The following ALK variants were observed in gnomAD, a reference collection of about 807,000 sequenced individuals.
ALK encodes the protein ALK tyrosine kinase receptor.
Under a neutral mutation model 163.1 loss-of-function variants are expected in ALK, and 74 were observed. That is an observed-to-expected ratio of 0.45 (90% CI 0.38 to 0.55). The LOEUF is 0.55. Ranked by LOEUF, ALK falls within the 20% of genes least tolerant of loss-of-function variation. The pLI, the probability that ALK is intolerant of heterozygous loss-of-function variation, is 0.00. For synonymous variants in ALK, 960 were observed against 843.2 expected, an observed-to-expected ratio of 1.14 and a Z score of -2.40; for missense variants, 2,063 against 2,105.3, an observed-to-expected ratio of 0.98 and a Z score of 0.39.
intron 3 of ALK, among the ~76,000 whole-genome samples, chr2:29,622,828 G>C (rs1676074201): frequency 6.6e-6 from 1 of 152,068 alleles, no homozygotes; most frequent in African/African-American, 2.4e-5. Context: ...ACTCAAGTCT[G>C]CCCCTTCCAG....
At chr2:29,865,905 T>A (rs1042885173) in intron 1 of ALK, among the ~76,000 whole-genome samples, 4 of 152,190 alleles carry the variant, frequency 2.6e-5, no homozygotes, top group Non-Finnish European at 5.9e-5. Context: ...GGTCTCCAGA[T>A]GCCCAAGGTC....
chr2:29,238,982 A>C (rs1336096912), intron 13 of ALK, among the ~76,000 whole-genome samples: 2 of 152,248 alleles, frequency 1.3e-5, no homozygotes, highest in Non-Finnish European at 2.9e-5. Context: ...ATTAGCACTC[A>C]ATAAATTCCC....
intron 3 of ALK, among the ~76,000 whole-genome samples, chr2:29,592,929 G>A (rs1030007121): frequency 6.6e-6 from 1 of 152,136 alleles, no homozygotes; most frequent in African/African-American, 2.4e-5. Flanking sequence ...GAATGGCCCC[G>A]CTGCAACTTG....
chr2:29,465,511 T>C (rs766716671), intron 4 of ALK, among the ~76,000 whole-genome samples: 1 of 152,158 alleles, frequency 6.6e-6, no homozygotes, highest in East Asian at 1.9e-4. Flanking sequence ...CTGGCCAACA[T>C]GGTGAAACTC....
In ALK at chr2:29,239,764, C is replaced by T; in HGVS notation, c.2271G>A (p.Val757=). 6.2e-7 allele frequency: 1 copy of T among 1,614,064 alleles called. No individual in the cohort carries two copies. Among genetic ancestry groups the T allele is most frequent in the East Asian group, 2.2e-5 (1 of 44,874 alleles). The stretch of plus-strand genomic sequence containing the variant: ...CCAGGTTGAAGATGCCCAGCACAGA[C>T]ACGCCGTGGGACCGCATCATGGTGT... ...GKNTMMRSHG[V]SVLGIFNLEK... The change falls in exon 13 of 29, where the codon GTG becomes GTA. Residue 757 remains valine (V), a synonymous_variant. Coordinates refer to ENST00000389048, the MANE Select transcript of ALK (RefSeq NM_004304.5).
At chr2:29,550,037 G>T (rs767299639) in intron 3 of ALK, among the ~76,000 whole-genome samples, 1 of 151,988 alleles carries the variant, frequency 6.6e-6, no homozygotes, top group African/African-American at 2.4e-5. Context: ...GGCTCTTCCC[G>T]CTAAACTAGG....
rs540628977 is a variant in ALK at position 29,265,750 on chromosome 2, G to C, written c.2041+9349C>G. ...TGCCTGTAATCTCAGCACTTTGGGA[G>C]GCCTAGGCGAGTGGATCACCTGAGG... On this transcript the variant is annotated intron_variant, in intron 11 of 28. Coordinates refer to ENST00000389048, the MANE Select transcript of ALK (RefSeq NM_004304.5). Among the ~76,000 whole-genome samples, 15 of 152,312 alleles carry C rather than the reference G, an allele frequency of 9.8e-5. No homozygotes were observed. In the East Asian group the frequency reaches 2.9e-3, roughly 29 times the overall value.
At chr2:29,335,443 C>G (rs759205255) in intron 5 of ALK, among the ~76,000 whole-genome samples, 3 of 152,164 alleles carry the variant, frequency 2.0e-5, no homozygotes, top group Non-Finnish European at 4.4e-5. Flanking sequence ...AATCAGAAGA[C>G]TGAGGATGTG....
intron 12 of ALK, among the ~76,000 whole-genome samples, chr2:29,241,740 T>C (rs569610485): frequency 3.3e-5 from 5 of 152,250 alleles, no homozygotes; most frequent in African/African-American, 1.2e-4. Flanking sequence ...CATCCTCCAA[T>C]GTGCCAGGCA....
intron 4 of ALK, among the ~76,000 whole-genome samples, chr2:29,455,928 G>A (rs183506693): frequency 2.6e-5 from 4 of 152,124 alleles, no homozygotes; most frequent in African/African-American, 9.7e-5. Flanking sequence ...TAGCATTGTG[G>A]GGGTGCAAGG....
chr2:29,917,750 T>A (rs1452302948), intron 1 of ALK, among the ~76,000 whole-genome samples: 1 of 152,232 alleles, frequency 6.6e-6, no homozygotes, highest in Non-Finnish European at 1.5e-5. Flanking sequence ...GCTGGCTGTC[T>A]CTCTGGAGGT....
intron 1 of ALK, among the ~76,000 whole-genome samples, chr2:29,760,904 C>T (rs1680682451): frequency 6.6e-6 from 1 of 152,198 alleles, no homozygotes; most frequent in African/African-American, 2.4e-5. Flanking sequence ...TGCACACCTA[C>T]ATGCATCCAG....
chr2:29,270,009 C>T (rs902624558), intron 11 of ALK, among the ~76,000 whole-genome samples: 2 of 152,240 alleles, frequency 1.3e-5, no homozygotes, highest in Non-Finnish European at 2.9e-5. Flanking sequence ...AGCCAGATCC[C>T]TCTGGAAGAC....
chr2:29,393,289 T>C (rs1047508402), intron 4 of ALK, among the ~76,000 whole-genome samples: 3 of 152,150 alleles, frequency 2.0e-5, no homozygotes, highest in Non-Finnish European at 4.4e-5. Context: ...CCCTCCTGTC[T>C]CTCGCCCCTC....
At chr2:29,779,379 T>G (rs1473788182) in intron 1 of ALK, among the ~76,000 whole-genome samples, 1 of 152,152 alleles carries the variant, frequency 6.6e-6, no homozygotes, top group Non-Finnish European at 1.5e-5. Context: ...AAGGACACCC[T>G]TCATGCTTCC....
intron 3 of ALK, among the ~76,000 whole-genome samples, chr2:29,584,431 G>A (rs970751053): frequency 6.6e-6 from 1 of 152,190 alleles, no homozygotes; most frequent in African/African-American, 2.4e-5. Context: ...ATTGAACACT[G>A]TCTGATTTGG....
At chr2:29,351,696 G>A (rs1292466804) in intron 5 of ALK, among the ~76,000 whole-genome samples, 1 of 152,230 alleles carries the variant, frequency 6.6e-6, no homozygotes, top group Non-Finnish European at 1.5e-5. Flanking sequence ...CAGCTGCAAA[G>A]TCTTGAGGTA....
chr2:29,386,615 C>T (rs1669038283), intron 4 of ALK, among the ~76,000 whole-genome samples: 1 of 152,158 alleles, frequency 6.6e-6, no homozygotes, highest in Admixed American at 6.5e-5. Context: ...ACACAGCGGC[C>T]CTTGACAATG....
chr2:29,319,809 A>T (rs866208122), intron 7 of ALK, among the ~76,000 whole-genome samples: 1 of 152,252 alleles, frequency 6.6e-6, no homozygotes, highest in Non-Finnish European at 1.5e-5. Context: ...CGTCTTTTAC[A>T]GACAGAATGC....
Sources: allele counts gnomAD v4.1 joint callset (sites outside exome capture counted in the v4.1 genomes callset), GRCh38; gene constraint gnomAD v4.1.1; transcripts MANE v1.5; gene names NCBI Gene and HGNC (gene_info 2026-07-23, HGNC 2026-07-21).